The following DOCK4 variants were observed in gnomAD, a reference collection of about 807,000 sequenced individuals.
DOCK4 encodes dedicator of cytokinesis protein 4.
Under a neutral mutation model 268.1 loss-of-function variants are expected in DOCK4, and 97 were observed. The observed-to-expected ratio is 0.36, with a 90% CI of 0.31 to 0.43. The LOEUF (loss-of-function observed/expected upper bound fraction) is 0.43, where lower values mean the gene tolerates loss of function less well. Ranked by LOEUF, DOCK4 falls within the 20% of genes least tolerant of loss-of-function variation. The pLI is 1.00. For synonymous variants in DOCK4, 954 were observed against 887.2 expected (o/e 1.08, Z -1.34); for missense variants, 2,145 against 2,455.7 (o/e 0.87, Z 2.67).
At chr7:112,012,667 A>T (rs1236179474) in intron 1 of DOCK4, among the ~76,000 whole-genome samples, 3 of 152,214 alleles carry the variant, frequency 2.0e-5, no homozygotes, top group African/African-American at 7.2e-5. Context: ...GGAAAAAATA[A>T]ATGAAAAAAA....
intron 1 of DOCK4, among the ~76,000 whole-genome samples, chr7:112,128,110 A>G (rs1479424384): frequency 2.0e-5 from 3 of 152,192 alleles, no homozygotes; most frequent in Admixed American, 2.0e-4. Context: ...CCACAAACAC[A>G]CAATTTAAAG....
Position 111,903,784 on chromosome 7 carries a change from A to C in DOCK4, c.1193-1983T>G, listed in dbSNP as rs1791340892. Among the ~76,000 whole-genome samples the C allele has an allele frequency of 2.6e-5, 4 of 152,316 alleles. No individual in the cohort carries two copies. In the South Asian group the frequency reaches 8.3e-4, roughly 32 times the overall value. ...CGAACAGATGTGGCAGGTAAAAAAA[A>C]CAACACTCAAATCAAGATACTTTAG... is the stretch of plus-strand genomic sequence containing the variant. On this transcript the variant is annotated intron_variant, in intron 13 of 52. Transcript: ENST00000428084.
intron 52 of DOCK4, 55 bp downstream of exon 52, chr7:111,732,171 A>G: frequency 6.4e-7 from 1 of 1,563,136 alleles, no homozygotes; most frequent in African/African-American, 1.4e-5. Context: ...GATGAGTCTT[A>G]GAGAAAAAGA....
At chr7:111,735,788 G>T (rs1338772276) in intron 50 of DOCK4, among the ~76,000 whole-genome samples, 6 of 152,144 alleles carry the variant, frequency 3.9e-5, no homozygotes, top group Admixed American at 3.3e-4. Context: ...AGGACACGCT[G>T]GTTGTAAATA....
chr7:112,179,179 G>C (rs912322799), intron 1 of DOCK4, among the ~76,000 whole-genome samples: 1 of 152,088 alleles, frequency 6.6e-6, no homozygotes, highest in Non-Finnish European at 1.5e-5. Flanking sequence ...TTGAGACCAG[G>C]AGCTCGGGAC....
chr7:112,106,076 G>T (rs1398537549), intron 1 of DOCK4, among the ~76,000 whole-genome samples: 2 of 152,204 alleles, frequency 1.3e-5, no homozygotes, highest in African/African-American at 4.8e-5. Flanking sequence ...TCCTTTTGTG[G>T]CTTGTGGCAA....
At chr7:111,751,654 A>G (rs866263432) in intron 42 of DOCK4, among the ~76,000 whole-genome samples, 35 of 152,228 alleles carry the variant, frequency 2.3e-4, no homozygotes, top group Middle Eastern at 3.2e-3. Context: ...CATATTGGCC[A>G]GGCTGGTCTT....
intron 5 of DOCK4, 48 bp downstream of exon 5, chr7:111,994,087 A>G (rs762842484): frequency 7.7e-7 from 1 of 1,298,964 alleles, no homozygotes; most frequent in South Asian, 1.3e-5. Context: ...TGTATTTCTT[A>G]AAACAATTCT....
intron 28 of DOCK4, among the ~76,000 whole-genome samples, chr7:111,811,301 A>T (rs1053524672): frequency 6.6e-6 from 1 of 152,176 alleles, no homozygotes; most frequent in Admixed American, 6.5e-5. Flanking sequence ...AAGATGCCCA[A>T]AACAAAGAAC....
At chr7:111,816,456 T>C (rs757008079) in intron 27 of DOCK4, among the ~76,000 whole-genome samples, 2 of 152,196 alleles carry the variant, frequency 1.3e-5, no homozygotes, top group Non-Finnish European at 2.9e-5. Context: ...TTCTCAAACT[T>C]CAGCATGCAT....
chr7:111,968,648 G>A (rs1287474246), intron 8 of DOCK4, among the ~76,000 whole-genome samples: 3 of 120,962 alleles, frequency 2.5e-5, no homozygotes, highest in Admixed American at 1.6e-4. Flanking sequence ...GGAAGTCAGT[G>A]TGGCGATTCC....
At chr7:112,192,895 T>G (rs1328952256) in intron 1 of DOCK4, among the ~76,000 whole-genome samples, 1 of 152,072 alleles carries the variant, frequency 6.6e-6, no homozygotes, top group African/African-American at 2.4e-5. Flanking sequence ...AGTAAATCTT[T>G]AGAGGAAGGT....
At chr7:111,813,334 T>C (rs1419909546) in intron 27 of DOCK4, among the ~76,000 whole-genome samples, 1 of 151,906 alleles carries the variant, frequency 6.6e-6, no homozygotes, top group East Asian at 1.9e-4. Context: ...ATATAGATTA[T>C]ATTTACTAGT....
intron 52 of DOCK4, 105 bp from the exon 53 acceptor site, chr7:111,728,825 C>G (rs1456948470): frequency 8.1e-6 from 9 of 1,105,110 alleles, no homozygotes; most frequent in Admixed American, 5.5e-5. Flanking sequence ...CCCAGCACCC[C>G]CAAAGCCGGC....
At chr7:111,851,743 T>C (rs1385042780) in intron 23 of DOCK4, among the ~76,000 whole-genome samples, 1 of 152,106 alleles carries the variant, frequency 6.6e-6, no homozygotes, top group East Asian at 1.9e-4. Context: ...AGGCTAGCAA[T>C]GGTAACTCCT....
intron 12 of DOCK4, among the ~76,000 whole-genome samples, chr7:111,917,277 C>T (rs1439566553): frequency 2.6e-5 from 4 of 151,868 alleles, no homozygotes; most frequent in South Asian, 2.1e-4. Context: ...TGAGCCACCG[C>T]GCCTGGCCTC....
chr7:112,007,174 A>G (rs1309381666), intron 1 of DOCK4, among the ~76,000 whole-genome samples: 4 of 152,148 alleles, frequency 2.6e-5, no homozygotes, highest in Admixed American at 2.6e-4. Context: ...CACTCCGACC[A>G]CACCTCAAAT....
chr7:111,958,201 A>G (rs1796583856), intron 8 of DOCK4, among the ~76,000 whole-genome samples: 1 of 152,096 alleles, frequency 6.6e-6, no homozygotes, highest in Non-Finnish European at 1.5e-5. Flanking sequence ...ATCAATCCCA[A>G]CCCTGTGTCA....
Position 111,769,664 on chromosome 7 carries a change from G to C in DOCK4, c.3693C>G (p.Thr1231=), listed in dbSNP as rs776700466. Residue 1231 remains threonine, a synonymous_variant, in exon 37 of 53, where the codon ACC becomes ACG. Transcript: ENST00000428084. The part of the protein sequence containing the change: ...KAQNFTEAAY[T]LLLYDELLEW... ...CCAGTAGCTCGTCATATAAGAGGAGGGTATATGCAGCTTCTGCAAGTCACG... is the reference window on the plus strand; with the variant it reads ...CCAGTAGCTCGTCATATAAGAGGAGCGTATATGCAGCTTCTGCAAGTCACG... The C allele has an allele frequency of 1.9e-6, 3 of 1,613,274 alleles. No individual in the cohort carries two copies. Among genetic ancestry groups the C allele is most frequent in the African/African-American group, 2.7e-5 (2 of 74,944 alleles).
Sources: allele counts gnomAD v4.1 joint callset (sites outside exome capture counted in the v4.1 genomes callset), GRCh38; gene constraint gnomAD v4.1.1; transcripts MANE v1.5; gene names NCBI Gene and HGNC (gene_info 2026-07-23, HGNC 2026-07-21).